The following TTC12 variants were observed in gnomAD, a reference collection of about 807,000 sequenced individuals.
TTC12 encodes the protein tetratricopeptide repeat domain 12.
In TTC12, 70 loss-of-function variants were observed where a neutral mutation model predicts 90.1. That is an observed-to-expected ratio of 0.78 (90% CI 0.64 to 0.95). The LOEUF is 0.95. Ranked by LOEUF, TTC12 falls within the 40% of genes least tolerant of loss-of-function variation. The pLI is 0.00. For missense variants in TTC12, 819 were observed against 846.1 expected (o/e 0.97, Z 0.40); for synonymous variants, 296 against 311.5 (o/e 0.95, Z 0.53).
At position 113,364,580 on chromosome 11, in the gene TTC12, T is replaced by G; in HGVS notation, c.1817-255T>G. On this transcript the variant is annotated intron_variant, in intron 20 of 21. Coordinates refer to ENST00000529221, the MANE Select transcript of TTC12 (RefSeq NM_017868.4). ...GACAGACCTGTCTGACACACAGCAT[T>G]CATTCATCTAACAACTGTGTTGTGC... The G allele has an allele frequency of 6.0e-6, 3 of 496,622 alleles. No homozygotes were observed. In the South Asian group the frequency reaches 6.4e-5, roughly 11 times the overall value. The allele number at this position is 496,622 out of a possible 1,614,324, so 30.8% of individuals were successfully genotyped here. A position where few individuals can be genotyped will look rare whatever the true frequency, so the allele number is the denominator to read the frequency against.
At chr11:113,367,607 G>A (rs1565636384), downstream of TTC12, among the ~76,000 whole-genome samples, 1 of 152,256 alleles carries the variant, frequency 6.6e-6, no homozygotes, top group African/African-American at 2.4e-5. Context: ...TCCTCCTCCA[G>A]GGAGATGTTA....
At chr11:113,362,233 C>G (rs547719714) in intron 18 of TTC12, among the ~76,000 whole-genome samples, 168 bp from the exon 19 acceptor site, 1 of 152,298 alleles carries the variant, frequency 6.6e-6, no homozygotes, top group South Asian at 2.1e-4. Context: ...AGCTCCTTGA[C>G]AGCTTTATTA....
chr11:113,350,219 G>C, intron 14 of TTC12, 54 bp downstream of exon 14: 2 of 1,347,698 alleles, frequency 1.5e-6, no homozygotes, highest in Admixed American at 1.8e-5. Flanking sequence ...TTGTTGAACT[G>C]TCTGATCTTT....
downstream of TTC12, among the ~76,000 whole-genome samples, chr11:113,369,403 G>A (rs1436715688): frequency 3.3e-5 from 5 of 151,612 alleles, no homozygotes; most frequent in Non-Finnish European, 5.9e-5. Flanking sequence ...TTACAGATGC[G>A]AGCCACCATG....
chr11:113,317,825 T>C lies in TTC12; in HGVS notation c.58+1510T>C, dbSNP rs1054098993. 4.6e-5 allele frequency among the ~76,000 whole-genome samples: 7 copies of C among 152,176 alleles called. No individual in the cohort carries two copies. The South Asian group carries it at 1.5e-3, about 32-fold the overall frequency. On this transcript the variant is annotated intron_variant, in intron 2 of 21. Transcript: ENST00000529221. ...CTTTTTTTTTAACCTGGCTAACTTA[T>C]GCATACTCAAAGTTCATTCAGGTAT...
At chr11:113,350,041 G>A (rs1555149478) in intron 13 of TTC12, 32 bp from the exon 14 acceptor site, 2 of 1,560,920 alleles carry the variant, frequency 1.3e-6, no homozygotes, top group Non-Finnish European at 1.8e-6. Flanking sequence ...TTGGAGGACA[G>A]CTACCTCTGA....
At chr11:113,370,679 T>C (rs1023774103), downstream of TTC12, among the ~76,000 whole-genome samples, 1 of 152,186 alleles carries the variant, frequency 6.6e-6, no homozygotes, top group African/African-American at 2.4e-5. Flanking sequence ...GAGGGAGCCT[T>C]AGGGTGCTGG....
chr11:113,363,997 C>A (rs75927379), intron 20 of TTC12, 70 bp downstream of exon 20: 2 of 1,086,506 alleles, frequency 1.8e-6, no homozygotes, highest in South Asian at 1.4e-5. Context: ...GCAAAGGGAA[C>A]TGTGGTCGAG....
intron 2 of TTC12, among the ~76,000 whole-genome samples, chr11:113,317,745 T>C (rs1371913653): frequency 1.3e-5 from 2 of 152,140 alleles, no homozygotes; most frequent in African/African-American, 4.8e-5. Context: ...TCGCCACACA[T>C]ACTCTGTGTT....
intron 4 of TTC12, 32 bp downstream of exon 4, chr11:113,324,047 T>G: frequency 1.3e-6 from 2 of 1,586,206 alleles, no homozygotes; most frequent in Non-Finnish European, 1.7e-6. Context: ...CCAATTTTCA[T>G]TCTTTATATA....
intron 16 of TTC12, among the ~76,000 whole-genome samples, chr11:113,355,971 G>T (rs1949611927): frequency 6.6e-6 from 1 of 152,192 alleles, no homozygotes; most frequent in Non-Finnish European, 1.5e-5. Flanking sequence ...TTGATCCAGT[G>T]CTAAGTTCAG....
At chr11:113,361,241 T>C (rs1949905283) in intron 18 of TTC12, among the ~76,000 whole-genome samples, 1 of 152,156 alleles carries the variant, frequency 6.6e-6, no homozygotes, top group Non-Finnish European at 1.5e-5. Flanking sequence ...AATACACAAG[T>C]TTATCTTTTC....
In TTC12 at chr11:113,329,945, A is replaced by G. The variant is rs138882092; in HGVS notation, c.470A>G (p.Glu157Gly). The G allele has an allele frequency of 5.0e-6, 8 of 1,613,784 alleles. No homozygotes were observed. The highest frequency in any genetic ancestry group is 1.7e-4 in the Middle Eastern group (1 of 6,060). ...AQAYMKLEDY[E>G]KALVDCEWAL... ...GCTTATATGAAACTTGAGGACTATG[A>G]GAAGGCACTGGTGGATTGTGAGTGG... The change falls in exon 7 of 22, where the codon GAG becomes GGG. Residue 157 changes from glutamate (E) to glycine (G), a missense_variant. Glu to Gly is a moderately conservative substitution (Grantham distance 98). Transcript: ENST00000529221.
downstream of TTC12, among the ~76,000 whole-genome samples, chr11:113,370,705 T>C (rs541154054): frequency 6.6e-6 from 1 of 152,284 alleles, no homozygotes; most frequent in East Asian, 1.9e-4. Context: ...CAGGGAACAG[T>C]GGGCTGCCGA....
intron 16 of TTC12, among the ~76,000 whole-genome samples, chr11:113,353,820 A>G (rs1436401191): frequency 1.3e-5 from 2 of 152,126 alleles, no homozygotes; most frequent in African/African-American, 2.4e-5. Context: ...CCATTGGTCC[A>G]TGTGTCTGTT....
At chr11:113,343,217 A>G (rs34259213) in intron 12 of TTC12, among the ~76,000 whole-genome samples, 5,241 of 152,274 alleles carry the variant, frequency 0.034, 127 homozygotes, top group Non-Finnish European at 0.053. Context: ...CATTATTTAT[A>G]TGAGGGGTGA....
At chr11:113,354,277 T>C (rs1285943298) in intron 16 of TTC12, among the ~76,000 whole-genome samples, 1 of 152,218 alleles carries the variant, frequency 6.6e-6, no homozygotes, top group East Asian at 1.9e-4. Context: ...GATGTTGGTG[T>C]ATAAGAATGC....
At position 113,321,011 on chromosome 11, in the gene TTC12, TA is replaced by T. The variant is rs546771097; in HGVS notation, c.59-2267del. On this transcript the variant is annotated intron_variant, in intron 2 of 21. Transcript: ENST00000529221. ...TGGACAACATAGCAAGACCATCTCTTAAAAAAAAAAGAATTTTTTAAAAAAG... is the reference window on the plus strand; with the variant it reads ...TGGACAACATAGCAAGACCATCTCTTAAAAAAAAAGAATTTTTTAAAAAAG... Among the ~76,000 whole-genome samples, 38 of 147,296 alleles carry T rather than the reference TA, an allele frequency of 2.6e-4. No individual in the cohort carries two copies. In the East Asian group the frequency reaches 3.6e-3, roughly 14 times the overall value.
At position 113,340,725 on chromosome 11, in the gene TTC12, C is replaced by T. The variant is rs1948634858; in HGVS notation, c.888C>T (p.Val296=). The change falls in exon 11 of 22, where the codon GTC becomes GTT. Residue 296 remains valine, a synonymous_variant. Transcript: ENST00000529221. ...TTAGTATCATCAGTGACAACGAGGT[C>T]ATAAGAAGGTAGGGATGTTCATAGA... The part of the protein sequence containing the change: ...NGFSIISDNE[V]IRRCFSTAGN... The T allele has an allele frequency of 8.1e-6, 13 of 1,613,440 alleles. No individual in the cohort carries two copies. The highest frequency in any genetic ancestry group is 1.1e-5 in the Non-Finnish European group (13 of 1,179,478).
Sources: allele counts gnomAD v4.1 joint callset (sites outside exome capture counted in the v4.1 genomes callset), GRCh38; gene constraint gnomAD v4.1.1; transcripts MANE v1.5; gene names NCBI Gene and HGNC (gene_info 2026-07-23, HGNC 2026-07-21).